KCNAB2: variants seen among roughly 807,000 people sequenced by gnomAD.
KCNAB2 encodes potassium voltage-gated channel subfamily A regulatory beta subunit 2.
In KCNAB2, 29 loss-of-function variants were observed where a neutral mutation model predicts 63.6. That is an observed-to-expected ratio of 0.46 (90% confidence interval 0.34 to 0.62). The LOEUF (loss-of-function observed/expected upper bound fraction) is 0.62, where lower values mean the gene tolerates loss of function less well. KCNAB2 is among the 20% of genes least tolerant of loss of function. The probability of loss-of-function intolerance (pLI) is 0.01; values close to 1 mark genes in which losing one functional copy is unlikely to be tolerated. For synonymous variants in KCNAB2, 222 were observed against 224.2 expected (o/e 0.99, Z 0.09); for missense variants, 359 against 563.9 (o/e 0.64, Z 3.68).
upstream of KCNAB2, among the ~76,000 whole-genome samples, chr1:6,033,206 T>C (rs1032057731): frequency 6.6e-6 from 1 of 152,024 alleles, no homozygotes; most frequent in African/African-American, 2.4e-5. Context: ...TGTGCGTGTG[T>C]GTGCATGTGG....
At chr1:6,050,332 A>G (rs1661280369) in intron 1 of KCNAB2, among the ~76,000 whole-genome samples, 1 of 152,160 alleles carries the variant, frequency 6.6e-6, no homozygotes, top group African/African-American at 2.4e-5. Flanking sequence ...AGTGCAGGCC[A>G]CCTGGGCCAT....
upstream of KCNAB2, among the ~76,000 whole-genome samples, chr1:6,031,984 T>C (rs192238496): frequency 2.6e-5 from 4 of 152,020 alleles, no homozygotes; most frequent in Admixed American, 2.6e-4. The surrounding 1 kb of genome is among the most constrained non-coding windows in gnomAD (Gnocchi z 4.1). Flanking sequence ...GGAGCCAGAG[T>C]CCCATAAAGG....
intron 2 of KCNAB2, among the ~76,000 whole-genome samples, chr1:6,054,022 G>A (rs982801307): frequency 6.7e-5 from 10 of 150,096 alleles, no homozygotes; most frequent in East Asian, 4.0e-4. Flanking sequence ...CAGCCTGGGC[G>A]GCAGAGTGAG....
intron 2 of KCNAB2, among the ~76,000 whole-genome samples, chr1:6,061,699 A>C (rs190632867): frequency 6.6e-6 from 1 of 152,332 alleles, no homozygotes; most frequent in Admixed American, 6.5e-5. Flanking sequence ...CATCTCTGCC[A>C]CCAATTTTCA....
At chr1:6,097,614 G>A (rs767453799) in intron 15 of KCNAB2, 37 of 640,146 alleles carry the variant, frequency 5.8e-5, no homozygotes, top group Non-Finnish European at 9.1e-5. Context: ...GATAAAGGGA[G>A]GGAGCTGGGG....
At chr1:5,993,146 C>T (rs893151017) in intron 1 of KCNAB2, among the ~76,000 whole-genome samples, 33 of 151,340 alleles carry the variant, frequency 2.2e-4, no homozygotes, top group African/African-American at 8.0e-4. Context: ...CTCCCCTTTC[C>T]TCCATCCTCC....
Position 6,087,359 on chromosome 1 carries a change from TG to T in KCNAB2, c.426-105del. 2 of 1,198,832 alleles carry T rather than the reference TG, an allele frequency of 1.7e-6. No individual in the cohort carries two copies. The highest frequency in any genetic ancestry group is 1.2e-5 in the South Asian group (1 of 82,036). 74.3% of individuals were successfully genotyped at this position (1,198,832 alleles called of 1,614,324 possible). A position where few individuals can be genotyped will look rare whatever the true frequency, so the allele number is the denominator to read the frequency against. ...CCATTTCATGCCCCAGGCTCCTGGG[TG>T]GGAGGGCTTTCAGGACCTCTGTGTG... On this transcript the variant is annotated intron_variant, in intron 6 of 15. Coordinates refer to ENST00000378083, the MANE Select transcript of KCNAB2 (RefSeq NM_001199862.2). The surrounding 1 kb of genome is among the most constrained non-coding windows in gnomAD (Gnocchi z 6.4).
intron 1 of KCNAB2, chr1:5,996,007 G>T (rs1656915866): frequency 6.6e-6 from 1 of 152,352 alleles, no homozygotes; most frequent in Non-Finnish European, 1.5e-5. Flanking sequence ...CTTTGTCGTG[G>T]CGTGGGAAGC....
upstream of KCNAB2, among the ~76,000 whole-genome samples, chr1:6,042,227 A>C (rs569209219): frequency 6.6e-6 from 1 of 152,182 alleles, no homozygotes; most frequent in African/African-American, 2.4e-5. Flanking sequence ...CCCTGCTTCC[A>C]TTATCAGAGT....
chr1:6,034,169 T>G (rs2100411451), upstream of KCNAB2: 1 of 152,442 alleles, frequency 6.6e-6, no homozygotes, highest in Middle Eastern at 3.4e-3. Context: ...GGATGTTGGC[T>G]CCACAGGGAT....
upstream of KCNAB2, among the ~76,000 whole-genome samples, chr1:6,030,401 G>A (rs564368839): frequency 1.4e-4 from 21 of 152,268 alleles, no homozygotes; most frequent in African/African-American, 5.1e-4. Context: ...GCCAAAGCAA[G>A]TCACATGGTT....
chr1:6,085,788 AAG>A, intron 6 of KCNAB2: 1 of 965,624 alleles, frequency 1.0e-6, no homozygotes, highest in Non-Finnish European at 1.2e-6. Context: ...TCCCATCTGT[AAG>A]AGGGTGTGTG....
chr1:6,089,193 C>G, intron 8 of KCNAB2, 142 bp downstream of exon 8: 1 of 885,586 alleles, frequency 1.1e-6, no homozygotes, highest in South Asian at 1.5e-5. Flanking sequence ...TCTGGCCTGA[C>G]CTTCTCCTTC....
chr1:6,090,567 G>C, intron 9 of KCNAB2, 92 bp downstream of exon 9: 1 of 964,888 alleles, frequency 1.0e-6, no homozygotes, highest in Non-Finnish European at 1.6e-6. Context: ...CATGGGCCCT[G>C]CTGGGCACCC....
At chr1:5,993,830 C>T (rs1656742630) in intron 1 of KCNAB2, among the ~76,000 whole-genome samples, 1 of 152,152 alleles carries the variant, frequency 6.6e-6, no homozygotes, top group Non-Finnish European at 1.5e-5. Flanking sequence ...TGCTTCCTGT[C>T]GTGATAGGGA....
intron 4 of KCNAB2, among the ~76,000 whole-genome samples, chr1:6,079,090 G>C (rs1269807341): frequency 1.3e-5 from 2 of 152,186 alleles, no homozygotes; most frequent in Non-Finnish European, 2.9e-5. Context: ...AGTCAAGGAG[G>C]GCTCCCCAGG....
At chr1:5,997,814 G>T (rs373315670) in intron 1 of KCNAB2, among the ~76,000 whole-genome samples, 1 of 152,196 alleles carries the variant, frequency 6.6e-6, no homozygotes, top group Non-Finnish European at 1.5e-5. Flanking sequence ...GATTCAGCTC[G>T]ATCTATTCAT....
chr1:6,055,088 G>C (rs1372163067), intron 2 of KCNAB2, among the ~76,000 whole-genome samples: 1 of 152,206 alleles, frequency 6.6e-6, no homozygotes, highest in Non-Finnish European at 1.5e-5. Context: ...GAGGGTGTTT[G>C]GAGGGAACAC....
intron 2 of KCNAB2, among the ~76,000 whole-genome samples, chr1:6,060,926 A>AT (rs1389488138): frequency 1.7e-3 from 259 of 148,850 alleles, no homozygotes; most frequent in African/African-American, 5.8e-3. Context: ...AAAAAAAGCC[A>AT]TATCTAAAAC....
Sources: gnomAD v4.1 joint callset for allele counts (sites outside exome capture counted in the v4.1 genomes callset) on GRCh38, gnomAD v4.1.1 for gene constraint, Gnocchi (gnomAD v3.1) non-coding constraint, MANE v1.5 for transcripts, NCBI Gene and HGNC (gene_info 2026-07-23, HGNC 2026-07-21) for gene names.